The following MON1B variants were observed in gnomAD, a reference collection of about 807,000 sequenced individuals.
The protein encoded by MON1B is MON1 vesicular trafficking associated B.
A neutral mutation model predicts 45.1 loss-of-function variants in MON1B; 26 were observed. The observed-to-expected ratio is 0.58, with a 90% CI of 0.42 to 0.80. MON1B has a LOEUF of 0.80. Ranked by LOEUF, MON1B falls within the 30% of genes least tolerant of loss-of-function variation. MON1B has a pLI of 0.00. For synonymous variants in MON1B, 395 were observed against 320.2 expected (o/e 1.23, Z -2.49); for missense variants, 737 against 754.5 (o/e 0.98, Z 0.27).
Position 77,198,601 on chromosome 16 carries a change from G to C in MON1B, c.*293G>C, listed in dbSNP as rs2054693156. The C allele has an allele frequency of 2.3e-6, 1 of 438,176 alleles. No individual in the cohort carries two copies. The highest frequency in any genetic ancestry group is 3.7e-5 in the Admixed American group (1 of 26,998). The allele number at this position is 438,176 out of a possible 1,614,324, so 27.1% of individuals were successfully genotyped here. A position where few individuals can be genotyped will look rare whatever the true frequency, so the allele number is the denominator to read the frequency against. On this transcript the variant is annotated 3_prime_UTR_variant, in exon 6 of 6. Coordinates refer to ENST00000248248, the MANE Select transcript of MON1B (RefSeq NM_014940.4). ...GGATGATGCTCTAGCCTCTGTCAGGGACTGTCCCCTCCAAACTTGCTTCCG... is the reference window on the plus strand; with the variant it reads ...GGATGATGCTCTAGCCTCTGTCAGGCACTGTCCCCTCCAAACTTGCTTCCG...
chr16:77,199,355 G>T lies in MON1B; in HGVS notation c.*1047G>T. ...GATTTAACCGCTGGCGTAACCGCGG[G>T]TTGCACGCATGCGTGCTGAAAAGCC... On this transcript the variant is annotated 3_prime_UTR_variant, in exon 6 of 6. Transcript: ENST00000248248. The T allele has an allele frequency of 1.6e-6, 2 of 1,248,656 alleles. No individual in the cohort carries two copies. The highest frequency in any genetic ancestry group is 5.1e-5 in the East Asian group (2 of 39,322). 77.3% of individuals were successfully genotyped at this position (1,248,656 alleles called of 1,614,324 possible).
chr16:77,196,073 C>T (rs979086724), intron 5 of MON1B, among the ~76,000 whole-genome samples: 2 of 152,194 alleles, frequency 1.3e-5, no homozygotes, highest in South Asian at 2.1e-4. Flanking sequence ...CCTCAGACTA[C>T]AGGCGTGGTC....
At chr16:77,192,094 A>C (rs1597374198) in intron 2 of MON1B, among the ~76,000 whole-genome samples, 1 of 152,196 alleles carries the variant, frequency 6.6e-6, no homozygotes, top group East Asian at 1.9e-4. Flanking sequence ...AGTCACTTGT[A>C]GACTGTTGGG....
chr16:77,195,614 C>G lies in MON1B; in HGVS notation c.1375C>G (p.Leu459Val). Residue 459 changes from leucine (L) to valine (V), a missense_variant, in exon 5 of 6, where the codon CTC (leucine) becomes GTC (valine). By Grantham distance (32) the Leu-to-Val change is conservative. Transcript: ENST00000248248. Reference sequence around the variant, plus strand: ...CCTGTACCACCGCCTGCATGCTCGTCTCCACAGCACCTCCCGACCCCTGCG... The same window carrying G: ...CCTGTACCACCGCCTGCATGCTCGTGTCCACAGCACCTCCCGACCCCTGCG... Reference protein sequence around the residue: ...SDLYHRLHARLHSTSRPLRLI... With the variant: ...SDLYHRLHARVHSTSRPLRLI... The G allele has an allele frequency of 6.2e-7, 1 of 1,614,186 alleles. No homozygotes were observed. Among genetic ancestry groups the G allele is most frequent in the Non-Finnish European group, 8.5e-7 (1 of 1,180,030 alleles).
Position 77,198,419 on chromosome 16 carries a change from C to T in MON1B, c.*111C>T. ...TGTGTCTGTGGCCAGTCATTGTCTC[C>T]CTAAGCAATGGGGCAAGGTCTGAGG... On this transcript the variant is annotated 3_prime_UTR_variant, in exon 6 of 6. Coordinates refer to ENST00000248248, the MANE Select transcript of MON1B (RefSeq NM_014940.4). 8.0e-7 allele frequency: 1 copy of T among 1,243,988 alleles called. No individual in the cohort carries two copies. The highest frequency in any genetic ancestry group is 1.1e-6 in the Non-Finnish European group (1 of 874,666). 77.1% of individuals were successfully genotyped at this position (1,243,988 alleles called of 1,614,324 possible). A position where few individuals can be genotyped will look rare whatever the true frequency, so the allele number is the denominator to read the frequency against.
At position 77,193,212 on chromosome 16, in the gene MON1B, A is replaced by C. The variant is rs1209019388; in HGVS notation, c.149-239A>C. 6.6e-6 allele frequency among the ~76,000 whole-genome samples: 1 copy of C among 152,106 alleles called. No individual in the cohort carries two copies. The highest frequency in any genetic ancestry group is 1.5e-5 in the Non-Finnish European group (1 of 67,998). ...AACATAGCAAGTCCAGTGGAATAAC[A>C]ATGAGAATATGTTGGTTTATTAGGG... On this transcript the variant is annotated intron_variant, in intron 2 of 5. Transcript: ENST00000248248. This position sits in a 1 kb window ranked among gnomAD's most constrained non-coding sequence, Gnocchi z 5.0.
At chr16:77,197,069 T>G (rs4887893) in intron 5 of MON1B, among the ~76,000 whole-genome samples, 43,848 of 151,924 alleles carry the variant, frequency 0.29, 7,826 homozygotes, top group Non-Finnish European at 0.39. Flanking sequence ...TAGTAGAGAT[T>G]GGAATTTTAA....
chr16:77,195,375 T>G (rs1287972178), intron 4 of MON1B, among the ~76,000 whole-genome samples, 160 bp from the exon 5 acceptor site: 1 of 152,196 alleles, frequency 6.6e-6, no homozygotes. Flanking sequence ...TCTCCTAGTT[T>G]GATGAGGGAA....
In MON1B at chr16:77,195,630, G is replaced by A. The variant is rs781423019; in HGVS notation, c.1391G>A (p.Arg464Gln). 26 of 1,614,096 alleles carry A rather than the reference G, an allele frequency of 1.6e-5. No homozygotes were observed. Among genetic ancestry groups the A allele is most frequent in the East Asian group, 2.2e-5 (1 of 44,866 alleles). Residue 464 changes from arginine (R) to glutamine (Q), a missense_variant, in exon 5 of 6, where the codon CGA (arginine) becomes CAA (glutamine). Arg to Gln is a conservative substitution (Grantham distance 43). Coordinates refer to ENST00000248248, the MANE Select transcript of MON1B (RefSeq NM_014940.4). ...CATGCTCGTCTCCACAGCACCTCCC[G>A]ACCCCTGCGCCTCATTTACCACGTG... Reference protein sequence around the residue: ...RLHARLHSTSRPLRLIYHVAE... With the variant: ...RLHARLHSTSQPLRLIYHVAE...
At chr16:77,195,196 T>G (rs892421180) in intron 4 of MON1B, 42 bp downstream of exon 4, 2 of 1,470,948 alleles carry the variant, frequency 1.4e-6, no homozygotes, top group Non-Finnish European at 1.8e-6. Context: ...TGGGAAGGCC[T>G]GTCAAACCAG....
Position 77,199,730 on chromosome 16 carries a change from G to C in MON1B, c.*1422G>C, listed in dbSNP as rs2054710084. On this transcript the variant is annotated 3_prime_UTR_variant, in exon 6 of 6. Coordinates refer to ENST00000248248, the MANE Select transcript of MON1B (RefSeq NM_014940.4). ...TCACCGAGATTAACTTTTGTCAACT[G>C]TAGTGTATACGTTGTTGAAAGTAAA... The C allele has an allele frequency of 2.0e-6, 1 of 507,276 alleles. No homozygotes were observed. The highest frequency in any genetic ancestry group is 3.5e-5 in the Admixed American group (1 of 28,288). 31.4% of individuals were successfully genotyped at this position (507,276 alleles called of 1,614,324 possible).
Position 77,199,326 on chromosome 16 carries a change from T to G in MON1B, c.*1018T>G. On this transcript the variant is annotated 3_prime_UTR_variant, in exon 6 of 6. Transcript: ENST00000248248. ...TGTTCTGCGCCTGCCCAGAGCTGAC[T>G]CCTGATTTAACCGCTGGCGTAACCG... 1.1e-6 allele frequency: 1 copy of G among 879,984 alleles called. No individual in the cohort carries two copies. The highest frequency in any genetic ancestry group is 1.7e-5 in the South Asian group (1 of 60,232). 54.5% of individuals were successfully genotyped at this position (879,984 alleles called of 1,614,324 possible). A position where few individuals can be genotyped will look rare whatever the true frequency, so the allele number is the denominator to read the frequency against.
rs947454882 is a variant in MON1B at position 77,201,363 on chromosome 16, A to G, written c.*3055A>G. The G allele has an allele frequency of 6.6e-6, 1 of 152,240 alleles. No individual in the cohort carries two copies. Among genetic ancestry groups the G allele is most frequent in the Non-Finnish European group, 1.5e-5 (1 of 68,048 alleles). 9.4% of individuals were successfully genotyped at this position (152,240 alleles called of 1,614,324 possible). On this transcript the variant is annotated 3_prime_UTR_variant, in exon 6 of 6. Transcript: ENST00000248248. ...AACCTTTCAAATTCCTCAAAATTAA[A>G]GTTATGACTAACTTCACCAGCAAAG...
chr16:77,191,620 C>A lies in MON1B; in HGVS notation c.135C>A (p.Gly45=). 6.2e-7 allele frequency: 1 copy of A among 1,610,830 alleles called. No homozygotes were observed. The part of the protein sequence containing the change: ...HAVPPDPEDE[G]LEETGSKDKD... ...TCCCGCCGGATCCCGAAGACGAGGG[C>A]CTGGAGGAAACAGGTATGACTCCAC... The change falls in exon 2 of 6, where the codon GGC becomes GGA. Residue 45 remains glycine, a synonymous_variant. Transcript: ENST00000248248.
rs2054693272 is a variant in MON1B at position 77,198,615 on chromosome 16, A to C, written c.*307A>C. ...CCTCTGTCAGGGACTGTCCCCTCCA[A>C]ACTTGCTTCCGTGGTCTGCCTCCTA... On this transcript the variant is annotated 3_prime_UTR_variant, in exon 6 of 6. Coordinates refer to ENST00000248248, the MANE Select transcript of MON1B (RefSeq NM_014940.4). 3 of 393,882 alleles carry C rather than the reference A, an allele frequency of 7.6e-6. No homozygotes were observed. Among genetic ancestry groups the C allele is most frequent in the Non-Finnish European group, 9.4e-6 (2 of 211,878 alleles). 24.4% of individuals were successfully genotyped at this position (393,882 alleles called of 1,614,324 possible).
chr16:77,194,933 A>G lies in MON1B; in HGVS notation c.1074A>G (p.Glu358=), dbSNP rs747680008. The G allele has an allele frequency of 8.1e-6, 13 of 1,613,546 alleles. No homozygotes were observed. In the South Asian group the frequency reaches 1.4e-4, roughly 18 times the overall value. The stretch of plus-strand genomic sequence containing the variant: ...TGCTGCTGCTTGGCACCCAACGTGA[A>G]GCCTTCCATGCCATGGCCGCCTGCC... The part of the protein sequence containing the change: ...VCLLLLGTQR[E]AFHAMAACRR... Residue 358 remains glutamate (E), a synonymous_variant, in exon 4 of 6, where the codon GAA becomes GAG. Transcript: ENST00000248248. The surrounding 1 kb of genome is among the most constrained non-coding windows in gnomAD (Gnocchi z 8.1).
chr16:77,194,952 G>T lies in MON1B; in HGVS notation c.1093G>T (p.Ala365Ser). 3 of 1,613,752 alleles carry T rather than the reference G, an allele frequency of 1.9e-6. No individual in the cohort carries two copies. Among genetic ancestry groups the T allele is most frequent in the Non-Finnish European group, 2.5e-6 (3 of 1,179,964 alleles). Residue 365 changes from alanine to serine, a missense_variant, in exon 4 of 6, where the codon GCC becomes TCC. By Grantham distance (99) the Ala-to-Ser change is moderately conservative. Transcript: ENST00000248248. The surrounding 1 kb of genome is among the most constrained non-coding windows in gnomAD (Gnocchi z 8.1). ...ACGTGAAGCCTTCCATGCCATGGCC[G>T]CCTGCCGGCGCCTGGTTGAAGATGG... Reference protein sequence around the residue: ...TQREAFHAMAACRRLVEDGMH... With the variant: ...TQREAFHAMASCRRLVEDGMH...
rs1430054407 is a variant in MON1B at position 77,193,327 on chromosome 16, A to G, written c.149-124A>G. The G allele has an allele frequency of 2.2e-6, 2 of 896,284 alleles. No individual in the cohort carries two copies. Among genetic ancestry groups the G allele is most frequent in the African/African-American group, 3.4e-5 (2 of 59,378 alleles). 55.5% of individuals were successfully genotyped at this position (896,284 alleles called of 1,614,324 possible). On this transcript the variant is annotated intron_variant, in intron 2 of 5. Transcript: ENST00000248248. The surrounding 1 kb of genome is among the most constrained non-coding windows in gnomAD (Gnocchi z 5.0). ...CGGGTCATTGAGGGGCATAGGAGAC[A>G]CTTGGAGTTCTGCGTCAGCATGCAG...
intron 5 of MON1B, among the ~76,000 whole-genome samples, chr16:77,197,245 A>G (rs2054674041): frequency 6.6e-6 from 1 of 151,944 alleles, no homozygotes; most frequent in South Asian, 2.1e-4. Context: ...AAAATACAAA[A>G]AATTAGCTGG....
Sources: gnomAD v4.1 joint callset for allele counts (sites outside exome capture counted in the v4.1 genomes callset) on GRCh38, gnomAD v4.1.1 for gene constraint, Gnocchi (gnomAD v3.1) non-coding constraint, MANE v1.5 for transcripts, NCBI Gene and HGNC (gene_info 2026-07-23, HGNC 2026-07-21) for gene names.